Variants in CREM observed in about 807,000 individuals in gnomAD.
The protein encoded by CREM is cAMP-responsive element modulator.
Under a neutral mutation model 37.3 loss-of-function variants are expected in CREM, and 13 were observed. The observed-to-expected ratio is 0.35, with a 90% confidence interval of 0.23 to 0.55. The LOEUF is 0.55. CREM is among the 20% of genes least tolerant of loss of function. The pLI, the probability that CREM is intolerant of heterozygous loss-of-function variation, is 0.88. For missense variants in CREM, 296 were observed against 362.3 expected (o/e 0.82, Z 1.49); for synonymous variants, 124 against 120.2 (o/e 1.03, Z -0.21).
intron 3 of CREM, among the ~76,000 whole-genome samples, chr10:35,153,205 A>G (rs977364827): frequency 6.6e-6 from 1 of 152,190 alleles, no homozygotes; most frequent in Non-Finnish European, 1.5e-5. Context: ...GATCATGCCT[A>G]TGAATAACCA....
rs549796187 is a variant in CREM at position 35,180,136 on chromosome 10, C to T, written c.409+860C>T. On this transcript the variant is annotated intron_variant, in intron 5 of 7. Transcript: ENST00000685392. ...AAAGTGAGTTTTGTAAACTCTGCTACCCTAGGTCCTCAAAGTAATTGAACA... is the reference window on the plus strand; with the variant it reads ...AAAGTGAGTTTTGTAAACTCTGCTATCCTAGGTCCTCAAAGTAATTGAACA... Among the ~76,000 whole-genome samples, 6 of 152,226 alleles carry T rather than the reference C, an allele frequency of 3.9e-5. No individual in the cohort carries two copies. The South Asian group carries it at 1.0e-3, about 26-fold the overall frequency.
At chr10:35,160,573 T>C (rs919984946) in intron 3 of CREM, among the ~76,000 whole-genome samples, 21 of 152,340 alleles carry the variant, frequency 1.4e-4, no homozygotes, top group Middle Eastern at 3.4e-3. Flanking sequence ...TAACTTATTT[T>C]ATTTTTTTGC....
At chr10:35,161,007 T>G (rs1349188441) in intron 3 of CREM, among the ~76,000 whole-genome samples, 1 of 152,244 alleles carries the variant, frequency 6.6e-6, no homozygotes, top group Admixed American at 6.5e-5. Context: ...TGCCTGAGGC[T>G]GTTTTACAGT....
chr10:35,186,632 T>C (rs1190488573), intron 5 of CREM, among the ~76,000 whole-genome samples: 1 of 144,304 alleles, frequency 6.9e-6, no homozygotes, highest in Non-Finnish European at 1.5e-5. Flanking sequence ...ATATAATATA[T>C]GTAAATTATA....
At chr10:35,166,601 C>T (rs1484939528) in intron 3 of CREM, among the ~76,000 whole-genome samples, 1 of 150,358 alleles carries the variant, frequency 6.7e-6, no homozygotes, top group African/African-American at 2.4e-5. Context: ...TGGTGGCGGG[C>T]ACCTGTAATC....
chr10:35,192,381 C>T (rs2094953928), intron 6 of CREM, among the ~76,000 whole-genome samples: 1 of 152,160 alleles, frequency 6.6e-6, no homozygotes, highest in South Asian at 2.1e-4. Context: ...CAGAGTCTCA[C>T]TCTCTTGGCC....
At chr10:35,167,665 A>T in intron 3 of CREM, 1 of 1,538,574 alleles carries the variant, frequency 6.5e-7, no homozygotes, top group East Asian at 2.3e-5. Flanking sequence ...AAGGCTGTCA[A>T]TTGCATCATC....
intron 3 of CREM, among the ~76,000 whole-genome samples, chr10:35,178,605 A>G (rs958985843): frequency 5.9e-5 from 9 of 151,442 alleles, no homozygotes; most frequent in South Asian, 2.1e-4. Flanking sequence ...CTTTCCTGCA[A>G]TGCCTCATTT....
At chr10:35,149,899 C>CACACACACACACACACAT (rs2092454538) in intron 3 of CREM, among the ~76,000 whole-genome samples, 1 of 105,626 alleles carries the variant, frequency 9.5e-6, no homozygotes. Flanking sequence ...AACACACACA[C>CACACACACACACACACAT]ACACACACAC....
At chr10:35,191,646 C>T (rs953708429) in intron 6 of CREM, among the ~76,000 whole-genome samples, 4 of 152,128 alleles carry the variant, frequency 2.6e-5, no homozygotes, top group African/African-American at 9.7e-5. Flanking sequence ...TCGACTTCTG[C>T]TTCCTCCACT....
intron 5 of CREM, among the ~76,000 whole-genome samples, chr10:35,187,137 T>TAA (rs1245586322): frequency 1.5e-5 from 1 of 64,730 alleles, no homozygotes; most frequent in African/African-American, 6.3e-5. Flanking sequence ...TATTAATATA[T>TAA]TAATATATAA....
rs74132502 is a variant in CREM at position 35,145,513 on chromosome 10, C to T, written c.45-2855C>T. 6.4e-3 allele frequency among the ~76,000 whole-genome samples: 977 copies of T among 152,276 alleles called. 12 individuals carry two copies. Among genetic ancestry groups the T allele is most frequent in the African/African-American group, 0.022 (933 of 41,554 alleles). On this transcript the variant is annotated intron_variant, in intron 2 of 7. Transcript: ENST00000685392. ...AAGAAATTACGGCCAGTTGCAATGGCTCACGCCTAGTAATCCCAGCACTTT... is the reference window on the plus strand; with the variant it reads ...AAGAAATTACGGCCAGTTGCAATGGTTCACGCCTAGTAATCCCAGCACTTT...
chr10:35,171,495 A>G (rs2093819623), intron 3 of CREM, among the ~76,000 whole-genome samples: 1 of 152,198 alleles, frequency 6.6e-6, no homozygotes, highest in African/African-American at 2.4e-5. Flanking sequence ...TTTAATTAAA[A>G]TTCTGATAAT....
intron 3 of CREM, among the ~76,000 whole-genome samples, chr10:35,162,104 T>G (rs539275538): frequency 2.2e-4 from 33 of 152,326 alleles, no homozygotes; most frequent in African/African-American, 7.9e-4. Flanking sequence ...TAAAAAAGAA[T>G]GAAGTGTCAT....
At chr10:35,154,332 A>G in intron 3 of CREM, 1 of 359,876 alleles carries the variant, frequency 2.8e-6, no homozygotes. Flanking sequence ...GACCTCAAGC[A>G]ACATTTTCTC....
At chr10:35,165,380 C>G (rs960595133) in intron 3 of CREM, among the ~76,000 whole-genome samples, 2 of 152,230 alleles carry the variant, frequency 1.3e-5, no homozygotes, top group African/African-American at 4.8e-5. Flanking sequence ...CCACAAGGCC[C>G]CACCTCCAAC....
At chr10:35,160,445 C>T (rs2093219671) in intron 3 of CREM, among the ~76,000 whole-genome samples, 1 of 152,034 alleles carries the variant, frequency 6.6e-6, no homozygotes, top group Non-Finnish European at 1.5e-5. Flanking sequence ...TTTGCCCAGG[C>T]TGGAGTACAG....
intron 2 of CREM, among the ~76,000 whole-genome samples, chr10:35,145,517 C>T (rs922938639): frequency 3.9e-5 from 6 of 152,150 alleles, no homozygotes; most frequent in African/African-American, 1.4e-4. Context: ...CAATGGCTCA[C>T]GCCTAGTAAT....
chr10:35,167,172 T>C (rs921489035), intron 3 of CREM, among the ~76,000 whole-genome samples: 2 of 152,152 alleles, frequency 1.3e-5, no homozygotes, highest in Non-Finnish European at 2.9e-5. Flanking sequence ...AGTGGAATAT[T>C]TTACATCTTT....
Sources: allele counts gnomAD v4.1 joint callset (sites outside exome capture counted in the v4.1 genomes callset), GRCh38; gene constraint gnomAD v4.1.1; transcripts MANE v1.5; gene names NCBI Gene and HGNC (gene_info 2026-07-23, HGNC 2026-07-21).